Variants in AGBL4 observed in about 807,000 individuals in gnomAD.
AGBL4 encodes cytosolic carboxypeptidase 6.
AGBL4 carries 58 observed loss-of-function variants against 66.4 expected under a neutral mutation model. That is an observed-to-expected ratio of 0.87 (90% CI 0.71 to 1.09). The LOEUF (loss-of-function observed/expected upper bound fraction) is 1.09. AGBL4 is among the 50% of genes least tolerant of loss of function. AGBL4 has a pLI of 0.00. For synonymous variants in AGBL4, 234 were observed against 222.9 expected (o/e 1.05, Z -0.44); for missense variants, 579 against 631.0 (o/e 0.92, Z 0.88).
At chr1:49,129,069 C>A (rs564822307) in intron 4 of AGBL4, among the ~76,000 whole-genome samples, 2 of 151,862 alleles carry the variant, frequency 1.3e-5, no homozygotes, top group South Asian at 2.1e-4. Flanking sequence ...TTTAACAAAA[C>A]CCACAAACAA....
chr1:49,653,081 G>A (rs1227347593), intron 3 of AGBL4, among the ~76,000 whole-genome samples: 1 of 152,064 alleles, frequency 6.6e-6, no homozygotes, highest in African/African-American at 2.4e-5. Context: ...TCAGGTCAGT[G>A]ACCCTCTGAG....
At chr1:49,205,902 A>G (rs902382399) in intron 4 of AGBL4, among the ~76,000 whole-genome samples, 1 of 152,262 alleles carries the variant, frequency 6.6e-6, no homozygotes, top group Middle Eastern at 3.4e-3. Context: ...GGGACCCAAT[A>G]TCTTCACATT....
intron 4 of AGBL4, among the ~76,000 whole-genome samples, chr1:49,105,950 G>A (rs1396896891): frequency 1.3e-5 from 2 of 152,046 alleles, no homozygotes; most frequent in Non-Finnish European, 2.9e-5. Flanking sequence ...TTATAGAAAG[G>A]ACAAAGGAAC....
chr1:49,791,086 G>A (rs576604901), intron 2 of AGBL4, among the ~76,000 whole-genome samples: 1 of 152,136 alleles, frequency 6.6e-6, no homozygotes, highest in Non-Finnish European at 1.5e-5. Context: ...GAAGTATCAA[G>A]TGTGAAATAG....
chr1:49,117,800 T>C (rs1241328644), intron 4 of AGBL4, among the ~76,000 whole-genome samples: 2 of 152,188 alleles, frequency 1.3e-5, no homozygotes, highest in Non-Finnish European at 1.5e-5. Flanking sequence ...AATCTATAAA[T>C]TACCTTGGGC....
At position 49,481,998 on chromosome 1, in the gene AGBL4, T is replaced by C. The variant is rs905023908; in HGVS notation, c.282+215315A>G. Among the ~76,000 whole-genome samples, 3 of 150,694 alleles carry C rather than the reference T, an allele frequency of 2.0e-5. No individual in the cohort carries two copies. The Admixed American group carries it at 2.0e-4, about 10-fold the overall frequency. On this transcript the variant is annotated intron_variant, in intron 3 of 13. Coordinates refer to ENST00000371839, the MANE Select transcript of AGBL4 (RefSeq NM_032785.4). ...GCCTACTAGATCGTGATGGATAAGCTTTTTGATGTACTGCTGTACTCGGTT... is the reference window on the plus strand; with the variant it reads ...GCCTACTAGATCGTGATGGATAAGCCTTTTGATGTACTGCTGTACTCGGTT...
chr1:49,326,597 GAC>G (rs1645232748), intron 3 of AGBL4, among the ~76,000 whole-genome samples: 1 of 152,118 alleles, frequency 6.6e-6, no homozygotes, highest in Admixed American at 6.5e-5. Context: ...ACCCATAACT[GAC>G]ACAAAGAAAG....
intron 3 of AGBL4, among the ~76,000 whole-genome samples, chr1:49,384,037 C>T (rs1045289040): frequency 9.2e-5 from 14 of 151,846 alleles, no homozygotes; most frequent in Admixed American, 2.0e-4. Context: ...CCTTGTGATC[C>T]GCCCACCTCG....
chr1:48,856,253 G>A lies in AGBL4; in HGVS notation c.634+10938C>T, dbSNP rs537353867. 5.3e-5 allele frequency among the ~76,000 whole-genome samples: 8 copies of A among 152,250 alleles called. No homozygotes were observed. The South Asian group carries it at 1.7e-3, about 32-fold the overall frequency. On this transcript the variant is annotated intron_variant, in intron 6 of 13. Transcript: ENST00000371839. ...GGTGTGTAAACTACATAGCAACATG[G>A]AGATTGTTTATGAAATAATGTTAAG...
At chr1:49,455,801 G>A (rs935101637) in intron 3 of AGBL4, among the ~76,000 whole-genome samples, 3 of 151,452 alleles carry the variant, frequency 2.0e-5, no homozygotes, top group African/African-American at 7.3e-5. Flanking sequence ...TTTGCTCATT[G>A]TGTTCAACCA....
intron 3 of AGBL4, among the ~76,000 whole-genome samples, chr1:49,370,903 G>A (rs929354586): frequency 2.0e-5 from 3 of 152,114 alleles, no homozygotes; most frequent in African/African-American, 4.8e-5. Flanking sequence ...TGAACTTTGC[G>A]TAGATTACCT....
At chr1:48,846,405 G>T (rs142452047) in intron 6 of AGBL4, among the ~76,000 whole-genome samples, 4,603 of 149,876 alleles carry the variant, frequency 0.031, 266 homozygotes, top group African/African-American at 0.11. Context: ...AAGAAAGAAA[G>T]AAAGAAAGAA....
chr1:48,686,139 G>A (rs1175294051), intron 6 of AGBL4, among the ~76,000 whole-genome samples: 1 of 152,194 alleles, frequency 6.6e-6, no homozygotes, highest in African/African-American at 2.4e-5. Flanking sequence ...CACTCAGCTT[G>A]TTAATAACAC....
intron 1 of AGBL4, among the ~76,000 whole-genome samples, chr1:50,012,694 C>T (rs929189610): frequency 2.0e-5 from 3 of 152,164 alleles, no homozygotes; most frequent in Non-Finnish European, 4.4e-5. Flanking sequence ...ATGCTTTTGT[C>T]ACCCTAAAAG....
At chr1:49,547,081 G>C (rs1652547432) in intron 3 of AGBL4, among the ~76,000 whole-genome samples, 1 of 152,128 alleles carries the variant, frequency 6.6e-6, no homozygotes, top group Non-Finnish European at 1.5e-5. Flanking sequence ...CCTTCCCTAA[G>C]CCAATGTCTA....
At chr1:48,678,776 G>T (rs1331839945) in intron 6 of AGBL4, among the ~76,000 whole-genome samples, 1 of 152,170 alleles carries the variant, frequency 6.6e-6, no homozygotes, top group Non-Finnish European at 1.5e-5. Flanking sequence ...GTTCCCCATG[G>T]TGTCCTTTCA....
chr1:49,012,545 C>G (rs974914598), intron 5 of AGBL4, among the ~76,000 whole-genome samples: 4 of 152,160 alleles, frequency 2.6e-5, no homozygotes, highest in African/African-American at 9.7e-5. Flanking sequence ...AATCCAAACC[C>G]ATAGCTCTAG....
Position 48,634,541 on chromosome 1 carries a change from A to G in AGBL4, c.903T>C (p.Pro301=), listed in dbSNP as rs1645638941. 6.2e-7 allele frequency: 1 copy of G among 1,607,164 alleles called. No homozygotes were observed. Among genetic ancestry groups the G allele is most frequent in the Non-Finnish European group, 8.5e-7 (1 of 1,176,908 alleles). The change falls in exon 9 of 14, where the codon CCT becomes CCC. Residue 301 remains proline (P), a synonymous_variant. Transcript: ENST00000371839. ...HWLDPSPWVH[P]TLHGVKQLIV... ...TGAGTTGTTTCACTCCATGCAGGGT[A>G]GGATGGACCCATGGAGAGGGATCCA...
chr1:49,464,541 A>G (rs1646584115), intron 3 of AGBL4, among the ~76,000 whole-genome samples: 1 of 151,794 alleles, frequency 6.6e-6, no homozygotes, highest in South Asian at 2.1e-4. Flanking sequence ...CAAAATGAAG[A>G]AAGCTTTAAG....
Sources: allele counts gnomAD v4.1 joint callset (sites outside exome capture counted in the v4.1 genomes callset), GRCh38; gene constraint gnomAD v4.1.1; transcripts MANE v1.5; gene names NCBI Gene and HGNC (gene_info 2026-07-23, HGNC 2026-07-21).